Variants in THRAP3 observed in about 807,000 individuals in gnomAD.
The protein encoded by THRAP3 is thyroid hormone receptor associated protein 3, also known as thyroid hormone receptor-associated protein 3.
THRAP3 carries 16 observed loss-of-function variants against 101.0 expected under a neutral mutation model. That is an observed-to-expected ratio of 0.16 (90% confidence interval 0.11 to 0.24). The LOEUF is 0.24. THRAP3 is among the 10% of genes least tolerant of loss of function. The probability of loss-of-function intolerance (pLI) is 1.00; values close to 1 mark genes in which losing one functional copy is unlikely to be tolerated. For missense variants in THRAP3, 989 were observed against 1,202.7 expected (o/e 0.82, Z 2.63); for synonymous variants, 407 against 422.6 (o/e 0.96, Z 0.45).
intron 4 of THRAP3, chr1:36,288,341 A>G (rs1164982471): frequency 1.5e-5 from 14 of 958,230 alleles, no homozygotes; most frequent in East Asian, 1.1e-4. Flanking sequence ...AAAGTTCATT[A>G]TGTCATTCTT....
chr1:36,238,431 G>T (rs1645116487), intron 1 of THRAP3, among the ~76,000 whole-genome samples: 1 of 152,262 alleles, frequency 6.6e-6, no homozygotes, highest in South Asian at 2.1e-4. Flanking sequence ...ATCATTTTCA[G>T]ATTTAATTCC....
At chr1:36,288,472 A>G (rs1321063013) in intron 4 of THRAP3, 8 of 985,324 alleles carry the variant, frequency 8.1e-6, no homozygotes, top group Non-Finnish European at 9.6e-6. Flanking sequence ...CTTTTCCATA[A>G]GAAAGAGAAT....
the THRAP3 span, among the ~76,000 whole-genome samples, chr1:36,213,956 AAAG>A: frequency 5.6e-5 from 7 of 124,568 alleles, no homozygotes; most frequent in Admixed American, 1.6e-4. Context: ...AGAAAGAAAG[AAAG>A]AAGGAAAGAG....
At position 36,287,208 on chromosome 1, in the gene THRAP3, C is replaced by A; in HGVS notation, c.978C>A (p.Ser326=). The change falls in exon 4 of 12, where the codon TCC becomes TCA. Residue 326 remains serine (S), a synonymous_variant. Transcript: ENST00000354618. ...GTAAGAGTCCACCATCCACTGGCTC[C>A]ACATATGGCTCATCTCAGAAGGAGG... ...PVGKSPPSTG[S]TYGSSQKEES... 6.2e-7 allele frequency: 1 copy of A among 1,614,094 alleles called. No individual in the cohort carries two copies. Among genetic ancestry groups the A allele is most frequent in the Non-Finnish European group, 8.5e-7 (1 of 1,180,000 alleles).
chr1:36,238,124 C>T lies in THRAP3; in HGVS notation c.-135+13619C>T, dbSNP rs567084860. Among the ~76,000 whole-genome samples, 23 of 152,184 alleles carry T rather than the reference C, an allele frequency of 1.5e-4. No homozygotes were observed. The South Asian group carries it at 4.8e-3, about 32-fold the overall frequency. ...CTGGGATTACAGGTGTGAGCCACCG[C>T]GCCCGGCGATTTAGCAAATTTTTTG... On this transcript the variant is annotated intron_variant, in intron 1 of 11. Transcript: ENST00000354618.
chr1:36,245,167 C>CTT (rs765561233), intron 1 of THRAP3, among the ~76,000 whole-genome samples: 12 of 136,682 alleles, frequency 8.8e-5, no homozygotes, highest in East Asian at 2.1e-4. Flanking sequence ...CCATCCCAAT[C>CTT]TTTTTTTTTT....
chr1:36,230,174 A>G (rs926661495), intron 1 of THRAP3, among the ~76,000 whole-genome samples: 3 of 150,970 alleles, frequency 2.0e-5, no homozygotes, highest in African/African-American at 7.3e-5. Context: ...GCTGGAGTGC[A>G]ATGGCTCGAT....
At chr1:36,294,004 G>T in intron 8 of THRAP3, 69 bp downstream of exon 8, 2 of 1,575,710 alleles carry the variant, frequency 1.3e-6, no homozygotes, top group Non-Finnish European at 1.7e-6. Flanking sequence ...ACAGAAATGT[G>T]TTTGTTTAAA....
intron 1 of THRAP3, among the ~76,000 whole-genome samples, chr1:36,231,476 A>G (rs1645027144): frequency 6.6e-6 from 1 of 152,226 alleles, no homozygotes; most frequent in Non-Finnish European, 1.5e-5. Flanking sequence ...GAGTTGTTGA[A>G]TGTCTCATTA....
At chr1:36,223,534 T>C (rs1250442199), upstream of THRAP3, among the ~76,000 whole-genome samples, 1 of 152,212 alleles carries the variant, frequency 6.6e-6, no homozygotes, top group African/African-American at 2.4e-5. Context: ...GCATCACAGA[T>C]GACCTATGAG....
intron 2 of THRAP3, among the ~76,000 whole-genome samples, chr1:36,262,431 A>G (rs1645458039): frequency 1.3e-5 from 2 of 152,216 alleles, no homozygotes; most frequent in Admixed American, 1.3e-4. Context: ...AAATAAATCT[A>G]ACACACACGT....
intron 2 of THRAP3, among the ~76,000 whole-genome samples, chr1:36,270,108 G>T (rs764494215): frequency 6.6e-6 from 1 of 152,122 alleles, no homozygotes; most frequent in South Asian, 2.1e-4. Context: ...AAATAAACAG[G>T]CTGGGCACAT....
At chr1:36,224,070 C>CAACTT (rs1644927849), upstream of THRAP3, among the ~76,000 whole-genome samples, 1 of 152,230 alleles carries the variant, frequency 6.6e-6, no homozygotes, top group Non-Finnish European at 1.5e-5. Context: ...ACTTCCAACT[C>CAACTT]GGAAGCTTTT....
chr1:36,270,042 T>G (rs1404845306), intron 2 of THRAP3, among the ~76,000 whole-genome samples: 1 of 152,122 alleles, frequency 6.6e-6, no homozygotes, highest in Admixed American at 6.6e-5. Flanking sequence ...AACACTTGGG[T>G]TCCCTATACT....
chr1:36,232,252 C>A (rs923715273), intron 1 of THRAP3, among the ~76,000 whole-genome samples: 1 of 152,044 alleles, frequency 6.6e-6, no homozygotes, highest in African/African-American at 2.4e-5. Context: ...ATAAGAAATT[C>A]TTGTTTCAGG....
At chr1:36,285,347 T>C (rs758299895) in intron 3 of THRAP3, among the ~76,000 whole-genome samples, 22 of 152,190 alleles carry the variant, frequency 1.4e-4, no homozygotes, top group Non-Finnish European at 2.9e-4. Context: ...TCATAGTAGA[T>C]AGGAAAAGTG....
chr1:36,286,311 G>T lies in THRAP3; in HGVS notation c.138-57G>T. On this transcript the variant is annotated intron_variant, in intron 3 of 11. Coordinates refer to ENST00000354618, the MANE Select transcript of THRAP3 (RefSeq NM_005119.4). This position sits in a 1 kb window ranked among gnomAD's most constrained non-coding sequence, Gnocchi z 5.5. ...AGGGATTTCAGAACAGATTTTTCTT[G>T]AATAAAAATGCTTGTGTCAAAAATT... is the stretch of plus-strand genomic sequence containing the variant. 1 of 1,497,670 alleles carries T rather than the reference G, an allele frequency of 6.7e-7. No individual in the cohort carries two copies. Among genetic ancestry groups the T allele is most frequent in the African/African-American group, 1.4e-5 (1 of 71,286 alleles). The allele number at this position is 1,497,670 out of a possible 1,614,324, so 92.8% of individuals were successfully genotyped here.
In THRAP3 at chr1:36,293,028, C is replaced by CTTTTTTTTTTTTTTTTTTTTTTTTTTTT. The variant is rs71053920; in HGVS notation, c.2030+337_2030+338insTTTTTTTTTTTTTTTTTTTTTTTTTTTT. Among the ~76,000 whole-genome samples, 2 of 82,798 alleles carry CTTTTTTTTTTTTTTTTTTTTTTTTTTTT rather than the reference C, an allele frequency of 2.4e-5. 1 individual carries two copies. Among genetic ancestry groups the CTTTTTTTTTTTTTTTTTTTTTTTTTTTT allele is most frequent in the Non-Finnish European group, 4.5e-5 (2 of 44,576 alleles). The allele number at this position is 82,798 out of a possible 152,430, so 54.3% of individuals were successfully genotyped here. A position where few individuals can be genotyped will look rare whatever the true frequency, so the allele number is the denominator to read the frequency against. ...AGTAAATGCTAGTTTCTTTTCTTGT[C>CTTTTTTTTTTTTTTTTTTTTTTTTTTTT]TTTTTTTTTTTTTTTTTTGAGATGG... On this transcript the variant is annotated intron_variant, in intron 7 of 11. Coordinates refer to ENST00000354618, the MANE Select transcript of THRAP3 (RefSeq NM_005119.4).
At chr1:36,219,343 T>C in the THRAP3 span, among the ~76,000 whole-genome samples, 8,130 of 152,320 alleles carry the variant, frequency 0.053, 740 homozygotes, top group African/African-American at 0.18. Context: ...CAAGTGCTGA[T>C]GTAGAAACTG....
Sources: gnomAD v4.1 joint callset for allele counts (sites outside exome capture counted in the v4.1 genomes callset) on GRCh38, gnomAD v4.1.1 for gene constraint, Gnocchi (gnomAD v3.1) non-coding constraint, MANE v1.5 for transcripts, NCBI Gene and HGNC (gene_info 2026-07-23, HGNC 2026-07-21) for gene names.